The following DCAF10 variants were observed in gnomAD, a reference collection of about 807,000 sequenced individuals.
DCAF10 encodes the protein DDB1- and CUL4-associated factor 10.
A neutral mutation model predicts 51.9 loss-of-function variants in DCAF10; 19 were observed. The ratio of observed to expected loss-of-function variants is 0.37; its 90% CI spans 0.26 to 0.54. The LOEUF is 0.54. Ranked by LOEUF, DCAF10 falls within the 20% of genes least tolerant of loss-of-function variation. The pLI is 0.87. For synonymous variants in DCAF10, 291 were observed against 297.1 expected, an observed-to-expected ratio of 0.98 and a Z score of 0.21; for missense variants, 510 against 730.6, an observed-to-expected ratio of 0.70 and a Z score of 3.48.
At chr9:37,850,203 T>C (rs1256964827) in intron 3 of DCAF10, among the ~76,000 whole-genome samples, 1 of 152,206 alleles carries the variant, frequency 6.6e-6, no homozygotes, top group Non-Finnish European at 1.5e-5. Flanking sequence ...AGATATAAAT[T>C]ATGGAAGACA....
chr9:37,812,966 A>G (rs922540838), intron 1 of DCAF10, among the ~76,000 whole-genome samples: 10 of 152,230 alleles, frequency 6.6e-5, no homozygotes, highest in African/African-American at 2.4e-4. Flanking sequence ...AGGTTCTTGC[A>G]TCATCCAGGA....
chr9:37,818,397 T>C (rs1329928637), intron 1 of DCAF10, among the ~76,000 whole-genome samples: 2 of 152,186 alleles, frequency 1.3e-5, no homozygotes, highest in African/African-American at 4.8e-5. Context: ...TGTACGTTCA[T>C]CTTAGTTGTA....
rs59549239 is a variant in DCAF10, at chr9:37,822,404, G to GATATATATAT, written c.653+3032_653+3041dup. Among the ~76,000 whole-genome samples, 159 of 124,576 alleles carry GATATATATAT rather than the reference G, an allele frequency of 1.3e-3. 3 individuals carry two copies. Among genetic ancestry groups the GATATATATAT allele is most frequent in the South Asian group, 4.3e-3 (13 of 3,022 alleles). The allele number at this position is 124,576 out of a possible 152,430, so 81.7% of individuals were successfully genotyped here. A position where few individuals can be genotyped will look rare whatever the true frequency, so the allele number is the denominator to read the frequency against. On this transcript the variant is annotated intron_variant, in intron 2 of 6. Coordinates refer to ENST00000377724, the MANE Select transcript of DCAF10 (RefSeq NM_024345.5). ...ATCAATGAATGGATAAAGAAACTGT[G>GATATATATAT]ATATATATATATATATATATATATA...
At chr9:37,819,096 T>C (rs1243835058) in intron 1 of DCAF10, among the ~76,000 whole-genome samples, 192 bp from the exon 2 acceptor site, 1 of 152,182 alleles carries the variant, frequency 6.6e-6, no homozygotes, top group Non-Finnish European at 1.5e-5. Context: ...TACTCCACGA[T>C]AATGTATGAG....
Position 37,860,030 on chromosome 9 carries a change from C to A in DCAF10, c.1166-18C>A, listed in dbSNP as rs1166591990. ...TTTGATAATACAAATCCCACATCCT[C>A]ATTTTCTTATATCTCAGGAGTTTCA... is the stretch of plus-strand genomic sequence containing the variant. On this transcript the variant is annotated intron_variant, in intron 5 of 6. Transcript: ENST00000377724. 1.2e-6 allele frequency: 2 copies of A among 1,613,566 alleles called. No individual in the cohort carries two copies. Among genetic ancestry groups the A allele is most frequent in the Non-Finnish European group, 1.7e-6 (2 of 1,179,720 alleles).
intron 3 of DCAF10, among the ~76,000 whole-genome samples, chr9:37,852,933 TATATATATATATATATATA>T (rs1830715456): frequency 2.7e-5 from 1 of 36,782 alleles, no homozygotes; most frequent in African/African-American, 6.0e-5. Context: ...TGTGAGGTTA[TATATATATATATATATATA>T]TATATATATA....
chr9:37,861,682 G>A lies in DCAF10; in HGVS notation c.*174G>A, dbSNP rs2118209169. On this transcript the variant is annotated 3_prime_UTR_variant, in exon 7 of 7. Coordinates refer to ENST00000377724, the MANE Select transcript of DCAF10 (RefSeq NM_024345.5). This position sits in a 1 kb window ranked among gnomAD's most constrained non-coding sequence, Gnocchi z 4.9. ...TACTTGGTCATCCAGCATCATACAG[G>A]CATCTCCAAGTTAGACTCTATGCAG... The A allele has an allele frequency of 1.2e-6, 1 of 823,252 alleles. No homozygotes were observed. The highest frequency in any genetic ancestry group is 1.8e-6 in the Non-Finnish European group (1 of 546,984). The allele number at this position is 823,252 out of a possible 1,614,324, so 51.0% of individuals were successfully genotyped here.
At chr9:37,810,474 T>TTTTA (rs1829305605) in intron 1 of DCAF10, among the ~76,000 whole-genome samples, 1 of 151,908 alleles carries the variant, frequency 6.6e-6, no homozygotes. Flanking sequence ...TTTTTTTTTT[T>TTTTA]GAGACAGAGT....
chr9:37,819,256 C>A, intron 1 of DCAF10, 32 bp from the exon 2 acceptor site: 1 of 1,544,972 alleles, frequency 6.5e-7, no homozygotes, highest in Non-Finnish European at 8.9e-7. Flanking sequence ...TGCTAGAAAA[C>A]TAAACAAGAT....
Position 37,860,207 on chromosome 9 carries a change from C to T in DCAF10, c.1311+14C>T. On this transcript the variant is annotated intron_variant, in intron 6 of 6. Coordinates refer to ENST00000377724, the MANE Select transcript of DCAF10 (RefSeq NM_024345.5). ...GATGATGAGGAGGTACAGGCAGCAG[C>T]ACTCCACCTTCAACAGGGCTCATTG... The T allele has an allele frequency of 1.2e-6, 2 of 1,613,836 alleles. No homozygotes were observed. The highest frequency in any genetic ancestry group is 1.7e-4 in the Middle Eastern group (1 of 6,056).
intron 2 of DCAF10, among the ~76,000 whole-genome samples, chr9:37,822,500 G>A (rs910886065): frequency 2.0e-5 from 3 of 149,524 alleles, no homozygotes; most frequent in African/African-American, 4.9e-5. Context: ...CAATGACCTG[G>A]ATGAGATTGG....
intron 1 of DCAF10, among the ~76,000 whole-genome samples, chr9:37,806,450 C>T (rs1382855853): frequency 6.6e-6 from 1 of 152,194 alleles, no homozygotes; most frequent in African/African-American, 2.4e-5. Flanking sequence ...CAAAAAAATC[C>T]ATAGGCCCAG....
At chr9:37,839,317 C>T (rs1256862541) in intron 2 of DCAF10, among the ~76,000 whole-genome samples, 2 of 152,140 alleles carry the variant, frequency 1.3e-5, no homozygotes, top group Non-Finnish European at 2.9e-5. Context: ...GCCTCAGCCT[C>T]TCAAAGTGCT....
intron 1 of DCAF10, among the ~76,000 whole-genome samples, chr9:37,806,712 G>A (rs901508626): frequency 1.3e-5 from 2 of 152,090 alleles, no homozygotes; most frequent in African/African-American, 4.8e-5. Flanking sequence ...ATAACTTCTG[G>A]GATGCACATC....
intron 2 of DCAF10, among the ~76,000 whole-genome samples, chr9:37,827,570 AG>A (rs1243903766): frequency 6.6e-6 from 1 of 151,460 alleles, no homozygotes; most frequent in East Asian, 1.9e-4. Context: ...TGAGCTGATA[AG>A]AAAGACAGGA....
chr9:37,813,560 G>A (rs1172150972), intron 1 of DCAF10, among the ~76,000 whole-genome samples: 1 of 152,204 alleles, frequency 6.6e-6, no homozygotes, highest in Admixed American at 6.5e-5. Context: ...ACTGCTTACA[G>A]AAGACATACC....
intron 2 of DCAF10, among the ~76,000 whole-genome samples, chr9:37,833,614 G>A (rs1764602141): frequency 6.6e-6 from 1 of 152,072 alleles, no homozygotes; most frequent in African/African-American, 2.4e-5. Context: ...TTGTCCAGAT[G>A]TCAGCTTACC....
chr9:37,808,612 TATA>T lies in DCAF10; in HGVS notation c.539+7211_539+7213del, dbSNP rs1280739268. On this transcript the variant is annotated intron_variant, in intron 1 of 6. Coordinates refer to ENST00000377724, the MANE Select transcript of DCAF10 (RefSeq NM_024345.5). ...ATATTTATATAATATAATATAAAAATATAATATATTTATATAATATAATATAAA... is the reference window on the plus strand; with the variant it reads ...ATATTTATATAATATAATATAAAAATATATATTTATATAATATAATATAAA... 4.8e-3 allele frequency among the ~76,000 whole-genome samples: 430 copies of T among 90,304 alleles called. 2 individuals are homozygous for T. The highest frequency in any genetic ancestry group is 0.018 in the African/African-American group (403 of 22,440). The allele number at this position is 90,304 out of a possible 152,430, so 59.2% of individuals were successfully genotyped here.
At chr9:37,857,135 A>ATT in intron 4 of DCAF10, 106 bp from the exon 5 acceptor site, 1 of 854,762 alleles carries the variant, frequency 1.2e-6, no homozygotes, top group South Asian at 1.9e-5. Context: ...ATATATGAGC[A>ATT]TTTTTTCAAA....
Sources: gnomAD v4.1 joint callset for allele counts (sites outside exome capture counted in the v4.1 genomes callset) on GRCh38, gnomAD v4.1.1 for gene constraint, Gnocchi (gnomAD v3.1) non-coding constraint, MANE v1.5 for transcripts, NCBI Gene and HGNC (gene_info 2026-07-23, HGNC 2026-07-21) for gene names.